NKIRAS1: variants seen among roughly 807,000 people sequenced by gnomAD.
NKIRAS1 encodes NF-kappa-B inhibitor-interacting Ras-like protein 1.
In NKIRAS1, 16 loss-of-function variants were observed where a neutral mutation model predicts 19.8. The ratio of observed to expected loss-of-function variants is 0.81; its 90% CI spans 0.55 to 1.23. The LOEUF is 1.23. Ranked by LOEUF, NKIRAS1 falls within the 50% of genes most tolerant of loss-of-function variation. The pLI, the probability that NKIRAS1 is intolerant of heterozygous loss-of-function variation, is 0.00. For missense variants in NKIRAS1, 184 were observed against 220.0 expected (o/e 0.84, Z 1.04); for synonymous variants, 88 against 79.0 (o/e 1.11, Z -0.61).
chr3:23,925,801 C>T (rs1041478375), intron 1 of NKIRAS1, among the ~76,000 whole-genome samples: 1 of 152,250 alleles, frequency 6.6e-6, no homozygotes, highest in Admixed American at 6.5e-5. Context: ...TATGTGATAG[C>T]TTCCTTGCTG....
At chr3:23,935,222 C>T (rs1361236885) in intron 1 of NKIRAS1, among the ~76,000 whole-genome samples, 2 of 151,482 alleles carry the variant, frequency 1.3e-5, no homozygotes, top group Non-Finnish European at 2.9e-5. Context: ...AAAAAAAAAC[C>T]CTGACAATGG....
chr3:23,918,365 T>C, upstream of NKIRAS1: 3 of 1,504,856 alleles, frequency 2.0e-6, no homozygotes, highest in Non-Finnish European at 2.7e-6. Context: ...TGGTGGAGTA[T>C]TAGTGACAAG....
At position 23,926,251 on chromosome 3, in the gene NKIRAS1, CG is replaced by C. The variant is rs1363311170; in HGVS notation, c.-139-14802del. Among the ~76,000 whole-genome samples, 1 of 152,106 alleles carries C rather than the reference CG, an allele frequency of 6.6e-6. No homozygotes were observed. Among genetic ancestry groups the C allele is most frequent in the East Asian group, 1.9e-4 (1 of 5,186 alleles). On this transcript the variant is annotated intron_variant, in intron 1 of 4. Transcript: ENST00000421515. This position sits in a 1 kb window ranked among gnomAD's most constrained non-coding sequence, Gnocchi z 4.3. Reference sequence around the variant, plus strand: ...GTTTTTAGTAGAGACAGGGTTTCGCCGTGTTGGCCAGGCTGGTCTCAAACGC... The same window carrying C: ...GTTTTTAGTAGAGACAGGGTTTCGCCTGTTGGCCAGGCTGGTCTCAAACGC...
intron 3 of NKIRAS1, among the ~76,000 whole-genome samples, chr3:23,901,718 A>G (rs1376454173): frequency 1.3e-5 from 2 of 152,224 alleles, no homozygotes; most frequent in Admixed American, 1.3e-4. Context: ...CTTAATTTTA[A>G]TAAGTAGTGG....
rs151016782 is a variant in NKIRAS1 at position 23,893,733 on chromosome 3, A to G, written c.337-396T>C. On this transcript the variant is annotated intron_variant, in intron 4 of 4. Transcript: ENST00000425478. ...AATCGCTGGAACCCGGGAGGCAGAG[A>G]GGGTGCAGTAAGCCGAGATGGCGCC... Among the ~76,000 whole-genome samples the G allele has an allele frequency of 9.5e-3, 1,341 of 141,216 alleles. 23 individuals are homozygous for G. The highest frequency in any genetic ancestry group is 0.033 in the African/African-American group (1,250 of 37,648). 92.6% of individuals were successfully genotyped at this position (141,216 alleles called of 152,430 possible). A position where few individuals can be genotyped will look rare whatever the true frequency, so the allele number is the denominator to read the frequency against.
chr3:23,918,620 A>G (rs1348987685), upstream of NKIRAS1: 8 of 1,594,752 alleles, frequency 5.0e-6, no homozygotes, highest in African/African-American at 5.4e-5. Flanking sequence ...CTGCCTGGGG[A>G]TGGTGGGAGA....
upstream of NKIRAS1, chr3:23,919,591 C>T (rs1457355924): frequency 7.0e-7 from 1 of 1,424,580 alleles, no homozygotes; most frequent in African/African-American, 1.4e-5. Flanking sequence ...TAAAACTAGT[C>T]TGCAGATGTT....
chr3:23,946,373 A>T, exon 1 of NKIRAS1: 1 of 877,710 alleles, frequency 1.1e-6, no homozygotes, highest in Non-Finnish European at 1.4e-6. Flanking sequence ...TGCAGGCCGG[A>T]GGAGGCGCCT....
upstream of NKIRAS1, chr3:23,918,637 T>G: frequency 1.3e-6 from 2 of 1,561,600 alleles, no homozygotes; most frequent in Non-Finnish European, 1.7e-6. Flanking sequence ...GAGAGAGAGA[T>G]TAAGCAACTT....
At chr3:23,920,564 G>T, upstream of NKIRAS1, 1 of 985,284 alleles carries the variant, frequency 1.0e-6, no homozygotes, top group Non-Finnish European at 1.2e-6. Flanking sequence ...GTTGTCCAGG[G>T]TCAATTTGAG....
chr3:23,905,444 G>A (rs769293005), intron 3 of NKIRAS1, among the ~76,000 whole-genome samples: 1 of 152,068 alleles, frequency 6.6e-6, no homozygotes, highest in Non-Finnish European at 1.5e-5. Context: ...TATTATTTTT[G>A]ACCTAGAGTT....
intron 1 of NKIRAS1, chr3:23,945,556 C>T (rs1190295996): frequency 2.6e-6 from 3 of 1,157,190 alleles, no homozygotes; most frequent in East Asian, 4.1e-5. Context: ...GCGGGCGGCC[C>T]CGGCCGCCTC....
rs1215471386 is a variant in NKIRAS1 at position 23,891,482 on chromosome 3, T to C, written c.*1613A>G. Among the ~76,000 whole-genome samples the C allele has an allele frequency of 1.3e-5, 2 of 152,214 alleles. No homozygotes were observed. Among genetic ancestry groups the C allele is most frequent in the East Asian group, 3.8e-4 (2 of 5,202 alleles). On this transcript the variant is annotated 3_prime_UTR_variant, in exon 5 of 5. Coordinates refer to ENST00000425478, the MANE Select transcript of NKIRAS1 (RefSeq NM_020345.4). Reference sequence around the variant, plus strand: ...GTACTTTACACAGCTGTAGATGAGGTATCCTAGAAAAGGTTAAATAATCTA... The same window carrying C: ...GTACTTTACACAGCTGTAGATGAGGCATCCTAGAAAAGGTTAAATAATCTA...
chr3:23,942,551 C>T (rs1405647190), intron 1 of NKIRAS1, among the ~76,000 whole-genome samples: 1 of 152,208 alleles, frequency 6.6e-6, no homozygotes, highest in African/African-American at 2.4e-5. Flanking sequence ...CCTGCTCCAC[C>T]CTCCATATTA....
At chr3:23,909,166 T>C (rs553334716) in intron 3 of NKIRAS1, among the ~76,000 whole-genome samples, 11 of 152,296 alleles carry the variant, frequency 7.2e-5, no homozygotes, top group African/African-American at 1.7e-4. Flanking sequence ...TTAACCACAA[T>C]TGTTAAACAT....
upstream of NKIRAS1, chr3:23,918,264 C>G (rs1704795641): frequency 3.3e-6 from 3 of 903,380 alleles, no homozygotes; most frequent in Admixed American, 2.9e-5. Flanking sequence ...GTGTGCCTCC[C>G]TGTGTGAGTA....
In NKIRAS1 at chr3:23,891,481, G is replaced by GTATCC. The variant is rs1701462164; in HGVS notation, c.*1609_*1613dup. Among the ~76,000 whole-genome samples the GTATCC allele has an allele frequency of 6.6e-6, 1 of 152,150 alleles. No individual in the cohort carries two copies. Among genetic ancestry groups the GTATCC allele is most frequent in the African/African-American group, 2.4e-5 (1 of 41,424 alleles). ...TGTACTTTACACAGCTGTAGATGAG[G>GTATCC]TATCCTAGAAAAGGTTAAATAATCT... On this transcript the variant is annotated 3_prime_UTR_variant, in exon 5 of 5. Coordinates refer to ENST00000425478, the MANE Select transcript of NKIRAS1 (RefSeq NM_020345.4).
chr3:23,925,243 C>T (rs1559514758), intron 1 of NKIRAS1, among the ~76,000 whole-genome samples: 1 of 152,068 alleles, frequency 6.6e-6, no homozygotes, highest in Non-Finnish European at 1.5e-5. Flanking sequence ...GCTAGTATAC[C>T]AAGGAGAAAG....
chr3:23,931,380 G>A (rs1705312636), intron 1 of NKIRAS1, among the ~76,000 whole-genome samples: 3 of 152,148 alleles, frequency 2.0e-5, no homozygotes, highest in East Asian at 1.9e-4. Flanking sequence ...CTGCATTGAC[G>A]TTCTTCTCCC....
Sources: allele counts gnomAD v4.1 joint callset (sites outside exome capture counted in the v4.1 genomes callset), GRCh38; gene constraint gnomAD v4.1.1; non-coding constraint Gnocchi (gnomAD v3.1); transcripts MANE v1.5; gene names NCBI Gene and HGNC (gene_info 2026-07-23, HGNC 2026-07-21).